Variants in RAB38 observed in about 807,000 individuals in gnomAD.
The protein encoded by RAB38 is ras-related protein Rab-38.
A neutral mutation model predicts 18.4 loss-of-function variants in RAB38; 15 were observed. The observed-to-expected ratio is 0.82, with a 90% CI of 0.55 to 1.26. The LOEUF is 1.26. RAB38 is among the 50% of genes most tolerant of loss of function. The pLI, the probability that RAB38 is intolerant of heterozygous loss-of-function variation, is 0.00. For synonymous variants in RAB38, 101 were observed against 104.4 expected, an observed-to-expected ratio of 0.97 and a Z score of 0.20; for missense variants, 294 against 267.4, an observed-to-expected ratio of 1.10 and a Z score of -0.69.
the RAB38 span, among the ~76,000 whole-genome samples, chr11:87,905,709 A>T: frequency 6.6e-6 from 1 of 151,850 alleles, no homozygotes; most frequent in Admixed American, 6.6e-5. Context: ...GTTCTCAGCA[A>T]CTTGGTAGGT....
chr11:87,840,582 A>T, the RAB38 span, among the ~76,000 whole-genome samples: 7,552 of 152,242 alleles, frequency 0.05, 244 homozygotes, highest in African/African-American at 0.095. Flanking sequence ...ATGCTAAACC[A>T]AGGTAGTATT....
At chr11:88,130,848 C>A (rs938511447) in intron 2 of RAB38, among the ~76,000 whole-genome samples, 2 of 152,014 alleles carry the variant, frequency 1.3e-5, no homozygotes, top group Non-Finnish European at 2.9e-5. Context: ...TTTTGTTAGA[C>A]CCAAAGGCAG....
At chr11:88,110,747 G>A (rs1942462818), downstream of RAB38, among the ~76,000 whole-genome samples, 1 of 151,470 alleles carries the variant, frequency 6.6e-6, no homozygotes, top group Non-Finnish European at 1.5e-5. Context: ...AACCTGGGAG[G>A]TGGAGGTTTC....
At chr11:88,132,320 T>C (rs575910588) in intron 2 of RAB38, among the ~76,000 whole-genome samples, 1 of 152,330 alleles carries the variant, frequency 6.6e-6, no homozygotes, top group South Asian at 2.1e-4. Flanking sequence ...TATGACGTCC[T>C]TGAACTGCAG....
chr11:87,939,365 AACACACACATACAT>A, the RAB38 span, among the ~76,000 whole-genome samples: 1 of 124,450 alleles, frequency 8.0e-6, no homozygotes, highest in Non-Finnish European at 1.7e-5. Context: ...TCATTGGGGT[AACACACACATACAT>A]ACACACACAC....
the RAB38 span, among the ~76,000 whole-genome samples, chr11:87,956,877 C>G: frequency 2.6e-3 from 402 of 152,092 alleles, 2 homozygotes; most frequent in African/African-American, 7.7e-3. Flanking sequence ...TTCCCTCCCC[C>G]CACCTTCAGT....
chr11:87,832,385 G>A, the RAB38 span, among the ~76,000 whole-genome samples: 5,603 of 152,136 alleles, frequency 0.037, 149 homozygotes, highest in Middle Eastern at 0.12. Flanking sequence ...AGTCCGGACC[G>A]GCTCAACTGG....
At chr11:87,961,475 A>G in the RAB38 span, among the ~76,000 whole-genome samples, 2 of 152,156 alleles carry the variant, frequency 1.3e-5, no homozygotes, top group South Asian at 2.1e-4. Flanking sequence ...GGCATTCTGC[A>G]TGTTGGAACA....
At chr11:88,031,878 A>T in the RAB38 span, among the ~76,000 whole-genome samples, 1 of 152,162 alleles carries the variant, frequency 6.6e-6, no homozygotes. Context: ...GGAAAAAACT[A>T]CTTTGAAGTT....
At chr11:87,944,350 G>T in the RAB38 span, among the ~76,000 whole-genome samples, 1 of 152,098 alleles carries the variant, frequency 6.6e-6, no homozygotes, top group Non-Finnish European at 1.5e-5. Flanking sequence ...TTTGTATTTG[G>T]GTTAGGTGCA....
intron 1 of RAB38, among the ~76,000 whole-genome samples, chr11:88,168,891 A>C (rs548254197): frequency 2.4e-4 from 37 of 152,110 alleles, no homozygotes; most frequent in Admixed American, 1.4e-3. Context: ...CTTATTTCTA[A>C]TTTTCTAATT....
At chr11:88,050,954 C>A in the RAB38 span, among the ~76,000 whole-genome samples, 4 of 152,142 alleles carry the variant, frequency 2.6e-5, no homozygotes, top group African/African-American at 9.7e-5. Flanking sequence ...TAGAAATATA[C>A]AGCAAAGGAG....
the RAB38 span, among the ~76,000 whole-genome samples, chr11:88,085,402 C>A: frequency 2.0e-5 from 3 of 151,870 alleles, no homozygotes; most frequent in Admixed American, 1.3e-4. Context: ...AGCCAAGTAA[C>A]TTTTACAAAG....
chr11:88,109,593 A>C (rs1942446717), downstream of RAB38, among the ~76,000 whole-genome samples: 1 of 152,212 alleles, frequency 6.6e-6, no homozygotes. Context: ...CAACCTACAG[A>C]ATGGGAGTAA....
the RAB38 span, among the ~76,000 whole-genome samples, chr11:87,805,241 TG>T: frequency 6.6e-6 from 1 of 152,170 alleles, no homozygotes; most frequent in Admixed American, 6.5e-5. Context: ...CCTTTTCTTT[TG>T]TTCTTACTTC....
chr11:88,119,685 A>C (rs1436166489), intron 2 of RAB38, among the ~76,000 whole-genome samples: 1 of 151,872 alleles, frequency 6.6e-6, no homozygotes, highest in Non-Finnish European at 1.5e-5. Context: ...AAAAAAAAAA[A>C]TCCTAGCAGA....
chr11:87,827,297 T>A, the RAB38 span, among the ~76,000 whole-genome samples: 1 of 152,058 alleles, frequency 6.6e-6, no homozygotes, highest in Admixed American at 6.6e-5. Flanking sequence ...TTTATTATTT[T>A]TTTTTCTTTT....
the RAB38 span, among the ~76,000 whole-genome samples, chr11:87,950,873 C>G: frequency 6.6e-6 from 1 of 152,132 alleles, no homozygotes; most frequent in African/African-American, 2.4e-5. Context: ...CTTGGAGTTG[C>G]TCTTCTCAGG....
At chr11:87,839,880 T>C in the RAB38 span, among the ~76,000 whole-genome samples, 2 of 152,204 alleles carry the variant, frequency 1.3e-5, no homozygotes, top group Non-Finnish European at 2.9e-5. Context: ...ATTTGGCCAG[T>C]AAAGAGAAAT....
Sources: gnomAD v4.1 joint callset for allele counts (sites outside exome capture counted in the v4.1 genomes callset) on GRCh38, gnomAD v4.1.1 for gene constraint, MANE v1.5 for transcripts, NCBI Gene and HGNC (gene_info 2026-07-23, HGNC 2026-07-21) for gene names.